The following SOX5 variants were observed in gnomAD, a reference collection of about 807,000 sequenced individuals.
SOX5 encodes transcription factor SOX-5.
A neutral mutation model predicts 92.0 loss-of-function variants in SOX5; 9 were observed. That is an observed-to-expected ratio of 0.10 (90% CI 0.06 to 0.17). The LOEUF (loss-of-function observed/expected upper bound fraction) is 0.17, where lower values mean the gene tolerates loss of function less well. Among genes scored for constraint, SOX5 ranks in the 10% least tolerant of loss-of-function variants. SOX5 has a pLI of 1.00. For missense variants in SOX5, 642 were observed against 944.5 expected, an observed-to-expected ratio of 0.68 and a Z score of 4.20; for synonymous variants, 344 against 336.3, an observed-to-expected ratio of 1.02 and a Z score of -0.25.
intron 2 of SOX5, among the ~76,000 whole-genome samples, chr12:24,349,497 G>A (rs1484912568): frequency 2.6e-5 from 4 of 151,924 alleles, no homozygotes; most frequent in Admixed American, 6.6e-5. Flanking sequence ...ACTGCTTTAG[G>A]TACCCCACAT....
Position 23,916,197 on chromosome 12 carries a change from T to C in SOX5, c.39-20173A>G, listed in dbSNP as rs1217012672. Among the ~76,000 whole-genome samples the C allele has an allele frequency of 2.0e-5, 3 of 152,230 alleles. No individual in the cohort carries two copies. In the East Asian group the frequency reaches 5.8e-4, roughly 29 times the overall value. On this transcript the variant is annotated intron_variant, in intron 1 of 14. Transcript: ENST00000451604. Reference sequence around the variant, plus strand: ...TCTTACACACTATCATCAATAATTTTGGCCATCAGCATTCCCAAAATGACC... The same window carrying C: ...TCTTACACACTATCATCAATAATTTCGGCCATCAGCATTCCCAAAATGACC...
chr12:24,483,327 C>T (rs1462672944), intron 1 of SOX5, among the ~76,000 whole-genome samples: 2 of 152,268 alleles, frequency 1.3e-5, no homozygotes, highest in East Asian at 3.9e-4. Context: ...AGCTCTATGG[C>T]AATTTTCTCT....
At chr12:24,318,238 A>G (rs1949888874) in intron 2 of SOX5, among the ~76,000 whole-genome samples, 1 of 152,070 alleles carries the variant, frequency 6.6e-6, no homozygotes, top group African/African-American at 2.4e-5. Context: ...AATAAAACAA[A>G]TATTTCACAG....
chr12:23,640,700 C>T (rs1385592835), intron 8 of SOX5, 112 bp downstream of exon 8: 2 of 744,386 alleles, frequency 2.7e-6, no homozygotes, highest in Admixed American at 5.1e-5. Flanking sequence ...AATTTAAAAA[C>T]AGAAAGTGTG....
At chr12:24,159,470 C>A (rs929308962) in intron 4 of SOX5, among the ~76,000 whole-genome samples, 3 of 151,928 alleles carry the variant, frequency 2.0e-5, no homozygotes, top group African/African-American at 7.2e-5. Context: ...ACTTTGAGAT[C>A]TTGTGTTTTC....
At chr12:24,460,076 A>G (rs543553512) in intron 1 of SOX5, among the ~76,000 whole-genome samples, 1 of 152,320 alleles carries the variant, frequency 6.6e-6, no homozygotes, top group African/African-American at 2.4e-5. Flanking sequence ...TCCAAAGCCT[A>G]TCTGTATTGA....
chr12:23,968,540 A>G (rs748652489), intron 4 of SOX5, among the ~76,000 whole-genome samples: 1 of 151,884 alleles, frequency 6.6e-6, no homozygotes, highest in African/African-American at 2.4e-5. Flanking sequence ...ATCCGCCCCT[A>G]CTCCCCACCC....
chr12:23,894,676 ATTC>A (rs1026120235), intron 2 of SOX5, among the ~76,000 whole-genome samples: 7 of 152,202 alleles, frequency 4.6e-5, no homozygotes, highest in Non-Finnish European at 1.0e-4. Flanking sequence ...AAGATAACTG[ATTC>A]TTCTTCTTGA....
intron 8 of SOX5, among the ~76,000 whole-genome samples, chr12:23,620,020 T>C (rs1330608013): frequency 6.6e-6 from 1 of 152,008 alleles, no homozygotes; most frequent in Non-Finnish European, 1.5e-5. Flanking sequence ...TGCAAAATAC[T>C]ACAAAATAGA....
chr12:23,708,735 C>T (rs569034036), intron 6 of SOX5, among the ~76,000 whole-genome samples: 4 of 152,206 alleles, frequency 2.6e-5, no homozygotes, highest in African/African-American at 4.8e-5. Context: ...AATCAATACA[C>T]GCACAACGTT....
intron 4 of SOX5, among the ~76,000 whole-genome samples, chr12:24,055,210 A>G (rs1189443662): frequency 6.6e-6 from 1 of 152,226 alleles, no homozygotes; most frequent in Non-Finnish European, 1.5e-5. Context: ...AAGCAGGCCC[A>G]TCAGTCAGGA....
intron 6 of SOX5, among the ~76,000 whole-genome samples, chr12:23,671,859 G>A (rs926304406): frequency 2.6e-5 from 4 of 152,094 alleles, no homozygotes; most frequent in Non-Finnish European, 5.9e-5. Flanking sequence ...CAAAGACAAA[G>A]TAGCCATATT....
intron 4 of SOX5, among the ~76,000 whole-genome samples, chr12:24,148,979 ATAAAG>A (rs1346040433): frequency 4.6e-5 from 7 of 152,282 alleles, no homozygotes; most frequent in Non-Finnish European, 7.4e-5. Context: ...AACTCAGTGG[ATAAAG>A]TATAGTGTTT....
chr12:24,269,470 T>C (rs1943416667), intron 3 of SOX5, among the ~76,000 whole-genome samples: 1 of 152,178 alleles, frequency 6.6e-6, no homozygotes, highest in Admixed American at 6.5e-5. Context: ...AAGTTTCTTA[T>C]TTTGTTGTGT....
intron 7 of SOX5, among the ~76,000 whole-genome samples, chr12:23,652,814 G>C (rs1415218211): frequency 2.0e-5 from 3 of 151,970 alleles, no homozygotes; most frequent in African/African-American, 7.3e-5. Context: ...CTAGTCCTCT[G>C]CTAACGAAAT....
At chr12:24,291,175 G>A (rs1328667435) in intron 2 of SOX5, among the ~76,000 whole-genome samples, 2 of 152,170 alleles carry the variant, frequency 1.3e-5, no homozygotes, top group Non-Finnish European at 2.9e-5. Flanking sequence ...AGTGTCATAA[G>A]AGAGTCTCTT....
intron 4 of SOX5, among the ~76,000 whole-genome samples, chr12:24,040,404 G>T (rs1193172857): frequency 6.6e-6 from 1 of 152,202 alleles, no homozygotes; most frequent in Admixed American, 6.5e-5. Flanking sequence ...TTGGAAGATG[G>T]TAGAAACAAA....
chr12:24,378,887 C>T (rs1028362829), intron 1 of SOX5, among the ~76,000 whole-genome samples: 1 of 152,214 alleles, frequency 6.6e-6, no homozygotes, highest in African/African-American at 2.4e-5. Flanking sequence ...AACATGGCCC[C>T]ACCGGGCCAG....
rs182196023 is a variant in SOX5, at chr12:24,405,531, C to T, written c.-250-36892G>A. On this transcript the variant is annotated intron_variant, in intron 1 of 4. Transcript: ENST00000446891. ...AACAGGATCAGAAGAGACCTTCCTA[C>T]ATATAAAATAAGCTAAGGGCAGATG... is the stretch of plus-strand genomic sequence containing the variant. Among the ~76,000 whole-genome samples, 162 of 152,262 alleles carry T rather than the reference C, an allele frequency of 1.1e-3. 1 individual carries two copies. Among genetic ancestry groups the T allele is most frequent in the Admixed American group, 5.3e-3 (81 of 15,290 alleles).
Sources: allele counts gnomAD v4.1 joint callset (sites outside exome capture counted in the v4.1 genomes callset), GRCh38; gene constraint gnomAD v4.1.1; transcripts MANE v1.5; gene names NCBI Gene and HGNC (gene_info 2026-07-23, HGNC 2026-07-21).